GLDC: variants seen among roughly 807,000 people sequenced by gnomAD.
The protein encoded by GLDC is glycine decarboxylase, also known as glycine dehydrogenase (decarboxylating), mitochondrial.
A neutral mutation model predicts 121.3 loss-of-function variants in GLDC; 104 were observed. The ratio of observed to expected loss-of-function variants is 0.86; its 90% CI spans 0.73 to 1.01. The LOEUF is 1.01. Among genes scored for constraint, GLDC ranks in the 50% least tolerant of loss-of-function variants. The pLI is 0.00. For missense variants in GLDC, 1,429 were observed against 1,306.6 expected, an observed-to-expected ratio of 1.09 and a Z score of -1.44; for synonymous variants, 546 against 480.6, an observed-to-expected ratio of 1.14 and a Z score of -1.78.
chr9:6,607,435 T>G (rs758125379), intron 4 of GLDC, among the ~76,000 whole-genome samples: 3 of 151,400 alleles, frequency 2.0e-5, no homozygotes, highest in African/African-American at 7.3e-5. Context: ...CTACAAAACG[T>G]AGCCAGGCAT....
intron 15 of GLDC, among the ~76,000 whole-genome samples, chr9:6,566,207 C>T (rs1350021524): frequency 6.6e-6 from 1 of 152,222 alleles, no homozygotes; most frequent in Non-Finnish European, 1.5e-5. Flanking sequence ...GGTGCCACTG[C>T]ACTCCAACCT....
intron 15 of GLDC, among the ~76,000 whole-genome samples, chr9:6,580,832 C>G (rs1818158490): frequency 2.0e-5 from 3 of 152,224 alleles, no homozygotes; most frequent in Admixed American, 1.3e-4. Flanking sequence ...CTGAAAGGCA[C>G]TGGCATCTCT....
Position 6,598,176 on chromosome 9 carries a change from T to C in GLDC, c.1156-3057A>G, listed in dbSNP as rs967382469. 2.0e-5 allele frequency among the ~76,000 whole-genome samples: 3 copies of C among 152,212 alleles called. No individual in the cohort carries two copies. The East Asian group carries it at 5.8e-4, about 29-fold the overall frequency. On this transcript the variant is annotated intron_variant, in intron 8 of 24. Transcript: ENST00000321612. ...ACTGAGTAGCTGGGATACTGGTGTG[T>C]ACCACAACACCTGGCTAATTTTTGT...
chr9:6,601,731 C>G (rs960203616), intron 8 of GLDC, among the ~76,000 whole-genome samples: 1 of 151,972 alleles, frequency 6.6e-6, no homozygotes, highest in Non-Finnish European at 1.5e-5. Flanking sequence ...TTCTGGTGAT[C>G]CTCCCACCTG....
chr9:6,621,940 T>G (rs562086849), intron 2 of GLDC, among the ~76,000 whole-genome samples: 35 of 152,324 alleles, frequency 2.3e-4, no homozygotes, highest in African/African-American at 8.4e-4. Flanking sequence ...GGCTGTCTTC[T>G]TTAAGATCTT....
chr9:6,642,973 G>A (rs2578291), intron 2 of GLDC, among the ~76,000 whole-genome samples: 21,014 of 151,370 alleles, frequency 0.14, 1,729 homozygotes, highest in East Asian at 0.36. Context: ...ATCTTGGCTC[G>A]CTGCAACCTC....
chr9:6,599,892 G>A lies in GLDC; in HGVS notation c.1155+2217C>T, dbSNP rs567438510. ...AAAACATAATACAAAAGGACCAACT[G>A]AGGAAATGGCTCCAAAGACCCGTGG... On this transcript the variant is annotated intron_variant, in intron 8 of 24. Coordinates refer to ENST00000321612, the MANE Select transcript of GLDC (RefSeq NM_000170.3). Among the ~76,000 whole-genome samples, 10 of 152,218 alleles carry A rather than the reference G, an allele frequency of 6.6e-5. 1 individual carries two copies. The highest frequency in any genetic ancestry group is 2.2e-4 in the African/African-American group (9 of 41,526).
rs187133887 is a variant in GLDC at position 6,616,367 on chromosome 9, G to C, written c.470+3817C>G. Among the ~76,000 whole-genome samples the C allele has an allele frequency of 1.1e-3, 174 of 152,296 alleles. 2 individuals carry two copies. Among genetic ancestry groups the C allele is most frequent in the Non-Finnish European group, 2.2e-3 (147 of 68,012 alleles). ...ATGTTATTTAGCATTGCTAAAGGTAGAGACCTTTAAAATTGTTGTCTTGCA... is the reference window on the plus strand; with the variant it reads ...ATGTTATTTAGCATTGCTAAAGGTACAGACCTTTAAAATTGTTGTCTTGCA... On this transcript the variant is annotated intron_variant, in intron 3 of 24. Transcript: ENST00000321612.
intron 2 of GLDC, 136 bp from the exon 3 acceptor site, chr9:6,620,455 C>T: frequency 1.3e-6 from 1 of 767,262 alleles, no homozygotes; most frequent in Non-Finnish European, 2.3e-6. Context: ...ATCCATCCAA[C>T]CAACACTAAG....
At chr9:6,629,959 T>TGTGTGTATATATATATA (rs1449751329) in intron 2 of GLDC, among the ~76,000 whole-genome samples, 1 of 55,870 alleles carries the variant, frequency 1.8e-5, no homozygotes, top group African/African-American at 1.5e-4. Flanking sequence ...ATATATATAT[T>TGTGTGTATATATATATA]TTTTTTTTTT....
intron 3 of GLDC, 112 bp downstream of exon 3, chr9:6,620,072 C>G (rs769345061): frequency 2.0e-6 from 2 of 1,015,462 alleles, no homozygotes; most frequent in Non-Finnish European, 3.1e-6. Context: ...GGAGACAGCA[C>G]TAGGAGGTGG....
intron 3 of GLDC, among the ~76,000 whole-genome samples, chr9:6,612,667 G>A (rs1818883437): frequency 6.6e-6 from 1 of 152,108 alleles, no homozygotes. Flanking sequence ...TTCGAGACGA[G>A]CCTGGCCAAT....
intron 8 of GLDC, among the ~76,000 whole-genome samples, chr9:6,601,218 T>C (rs1002139915): frequency 5.9e-5 from 9 of 151,662 alleles, no homozygotes; most frequent in African/African-American, 2.2e-4. Flanking sequence ...CCAGTAAGAG[T>C]GCCTCATGAC....
At chr9:6,555,923 T>C (rs187996774) in intron 18 of GLDC, among the ~76,000 whole-genome samples, 1 of 152,254 alleles carries the variant, frequency 6.6e-6, no homozygotes, top group East Asian at 1.9e-4. Flanking sequence ...AGATCCTCTG[T>C]CCCCCAAGTA....
At chr9:6,579,006 A>C (rs1329850030) in intron 15 of GLDC, among the ~76,000 whole-genome samples, 19 of 152,020 alleles carry the variant, frequency 1.2e-4, no homozygotes, top group Admixed American at 1.0e-3. Context: ...TATGTTCCTA[A>C]ATGTTTGTTA....
rs34380343 is a variant in GLDC, at chr9:6,615,423, T to TAA, written c.470+4759_470+4760dup. ...AGAAACCTTGTCTCTACTAAAAATT[T>TAA]AAAAAAAAAAAAAAATTAGCCTGGC... On this transcript the variant is annotated intron_variant, in intron 3 of 24. Transcript: ENST00000321612. Among the ~76,000 whole-genome samples the TAA allele has an allele frequency of 1.4e-3, 199 of 141,468 alleles. No individual in the cohort carries two copies. The East Asian group carries it at 0.02, about 14-fold the overall frequency. 92.8% of individuals were successfully genotyped at this position (141,468 alleles called of 152,430 possible).
At chr9:6,548,655 C>T (rs1817446393) in intron 21 of GLDC, among the ~76,000 whole-genome samples, 3 of 152,178 alleles carry the variant, frequency 2.0e-5, no homozygotes, top group East Asian at 1.9e-4. Context: ...ATCCCATAAG[C>T]GCTTTGTTGC....
At chr9:6,570,336 A>T (rs967935176) in intron 15 of GLDC, among the ~76,000 whole-genome samples, 1 of 152,254 alleles carries the variant, frequency 6.6e-6, no homozygotes, top group African/African-American at 2.4e-5. Context: ...TATAGTACCA[A>T]GAAATTAAGA....
intron 11 of GLDC, among the ~76,000 whole-genome samples, chr9:6,591,355 A>G (rs1045839708): frequency 4.6e-5 from 7 of 152,170 alleles, no homozygotes; most frequent in Non-Finnish European, 1.0e-4. Flanking sequence ...TTCACACATC[A>G]GTCACCTGGA....
Sources: gnomAD v4.1 joint callset for allele counts (sites outside exome capture counted in the v4.1 genomes callset) on GRCh38, gnomAD v4.1.1 for gene constraint, MANE v1.5 for transcripts, NCBI Gene and HGNC (gene_info 2026-07-23, HGNC 2026-07-21) for gene names.